Variants in TMEFF1 observed in about 807,000 individuals in gnomAD.
The protein encoded by TMEFF1 is transmembrane protein with EGF like and two follistatin like domains 1.
Under a neutral mutation model 47.5 loss-of-function variants are expected in TMEFF1, and 20 were observed. The ratio of observed to expected loss-of-function variants is 0.42; its 90% CI spans 0.30 to 0.61. The LOEUF (loss-of-function observed/expected upper bound fraction) is 0.61, where lower values mean the gene tolerates loss of function less well. Ranked by LOEUF, TMEFF1 falls within the 20% of genes least tolerant of loss-of-function variation. The probability of loss-of-function intolerance (pLI) is 0.19; values close to 1 mark genes in which losing one functional copy is unlikely to be tolerated. For missense variants in TMEFF1, 411 were observed against 471.1 expected, an observed-to-expected ratio of 0.87 and a Z score of 1.18; for synonymous variants, 162 against 166.3, an observed-to-expected ratio of 0.97 and a Z score of 0.20.
chr9:100,514,406 A>G (rs1162524380), intron 4 of TMEFF1, among the ~76,000 whole-genome samples: 1 of 151,954 alleles, frequency 6.6e-6, no homozygotes, highest in Non-Finnish European at 1.5e-5. Context: ...GGTGTGAAGG[A>G]TCAGATAATA....
intron 5 of TMEFF1, among the ~76,000 whole-genome samples, chr9:100,539,465 C>T (rs1203558092): frequency 1.3e-5 from 2 of 152,136 alleles, no homozygotes; most frequent in African/African-American, 4.8e-5. Flanking sequence ...GAGTTTCTTC[C>T]TTCTGGTGGG....
intron 5 of TMEFF1, among the ~76,000 whole-genome samples, chr9:100,532,789 G>A (rs145703016): frequency 0.066 from 9,974 of 151,972 alleles, 497 homozygotes; most frequent in Non-Finnish European, 0.092. Context: ...ACATGCACAC[G>A]TATGTTTATT....
At chr9:100,481,402 T>G (rs1018461411) in intron 1 of TMEFF1, among the ~76,000 whole-genome samples, 2 of 152,144 alleles carry the variant, frequency 1.3e-5, no homozygotes, top group African/African-American at 4.8e-5. Context: ...TGAACATAGA[T>G]GAATGAACAT....
intron 2 of TMEFF1, among the ~76,000 whole-genome samples, chr9:100,508,491 G>A (rs1837903573): frequency 1.3e-5 from 2 of 149,090 alleles, no homozygotes; most frequent in African/African-American, 4.9e-5. Context: ...TAGCTTTGCA[G>A]TATTGGTTTT....
intron 2 of TMEFF1, among the ~76,000 whole-genome samples, chr9:100,502,930 G>A (rs1015613492): frequency 6.6e-6 from 1 of 152,108 alleles, no homozygotes; most frequent in Non-Finnish European, 1.5e-5. Flanking sequence ...CTGGTTCCTT[G>A]CCTTGTAGGA....
chr9:100,490,575 C>T (rs185051283), intron 1 of TMEFF1, among the ~76,000 whole-genome samples: 6 of 152,194 alleles, frequency 3.9e-5, no homozygotes, highest in Admixed American at 3.3e-4. Flanking sequence ...ATTACAATAT[C>T]AAAGGAAAGT....
chr9:100,576,534 T>C lies in TMEFF1; in HGVS notation c.1077T>C (p.Asn359=), dbSNP rs748010230. The C allele has an allele frequency of 1.9e-6, 3 of 1,612,764 alleles. No individual in the cohort carries two copies. The highest frequency in any genetic ancestry group is 3.3e-5 in the Admixed American group (2 of 59,770). ...GCAACAGAAAATGCCCCAAAAACAA[T>C]AGAGGACGTCGACAGAAGCAAAACC... ...MCITRKCPKN[N]RGRRQKQNLG... is the part of the protein sequence containing the mutation. The change falls in exon 10 of 10, where the codon AAT becomes AAC. Residue 359 remains asparagine, a synonymous_variant. Transcript: ENST00000374879.
intron 5 of TMEFF1, among the ~76,000 whole-genome samples, chr9:100,534,531 A>C (rs1441071925): frequency 6.6e-6 from 1 of 152,212 alleles, no homozygotes; most frequent in Non-Finnish European, 1.5e-5. Context: ...GTCTGCAAAC[A>C]GCTGTAATCA....
At chr9:100,489,485 C>T (rs1226168283) in intron 1 of TMEFF1, among the ~76,000 whole-genome samples, 1 of 152,072 alleles carries the variant, frequency 6.6e-6, no homozygotes, top group Non-Finnish European at 1.5e-5. Context: ...GGCACTGCAC[C>T]CTGCCTACAT....
chr9:100,478,408 C>T (rs527835903), intron 1 of TMEFF1, among the ~76,000 whole-genome samples: 2 of 152,168 alleles, frequency 1.3e-5, no homozygotes, highest in East Asian at 3.9e-4. Flanking sequence ...GCAGCCTCAG[C>T]TTCTTGGGCT....
At chr9:100,499,626 C>T (rs754747297) in intron 2 of TMEFF1, among the ~76,000 whole-genome samples, 6 of 152,100 alleles carry the variant, frequency 3.9e-5, no homozygotes, top group South Asian at 2.1e-4. Flanking sequence ...AAATCAGAAA[C>T]GAAAGCATAG....
At chr9:100,550,019 T>C in intron 6 of TMEFF1, 76 bp from the exon 7 acceptor site, 1 of 1,510,828 alleles carries the variant, frequency 6.6e-7, no homozygotes, top group South Asian at 1.3e-5. Context: ...TTGGAATAAT[T>C]TGGAATTATT....
intron 5 of TMEFF1, among the ~76,000 whole-genome samples, chr9:100,534,887 A>T (rs1275517915): frequency 6.6e-6 from 1 of 152,146 alleles, no homozygotes; most frequent in African/African-American, 2.4e-5. Flanking sequence ...CACCATTTCT[A>T]TTTAACTGCC....
At chr9:100,508,499 T>G (rs995578217) in intron 2 of TMEFF1, among the ~76,000 whole-genome samples, 24 of 151,918 alleles carry the variant, frequency 1.6e-4, no homozygotes, top group Admixed American at 1.3e-4. Context: ...CAGTATTGGT[T>G]TTTTTTCCTA....
chr9:100,522,657 G>A (rs920724917), intron 5 of TMEFF1, among the ~76,000 whole-genome samples: 5 of 151,752 alleles, frequency 3.3e-5, no homozygotes, highest in African/African-American at 1.2e-4. Flanking sequence ...GGCTGGTCTT[G>A]AACTCCTGAT....
intron 5 of TMEFF1, among the ~76,000 whole-genome samples, chr9:100,541,375 C>CTTTTTTTTTTTTTTTTTTTTTTTCTTTT (rs1220537806): frequency 1.0e-5 from 1 of 97,682 alleles, no homozygotes; most frequent in Non-Finnish European, 2.1e-5. Flanking sequence ...TTCTTTCTTT[C>CTTTTTTTTTTTTTTTTTTTTTTTCTTTT]TTTTTTTTTT....
rs1322972294 is a variant in TMEFF1 at position 100,529,073 on chromosome 9, A to C, written c.560+12302A>C. Among the ~76,000 whole-genome samples, 677 of 150,320 alleles carry C rather than the reference A, an allele frequency of 4.5e-3. 5 individuals are homozygous for C. Among genetic ancestry groups the C allele is most frequent in the Non-Finnish European group, 7.3e-3 (489 of 67,094 alleles). The stretch of plus-strand genomic sequence containing the variant: ...TTTTGTCACCACCAGGCCTGCCCTA[A>C]AAGAGCTCCTGAAGGAAGCGCTAAA... On this transcript the variant is annotated intron_variant, in intron 5 of 9. Coordinates refer to ENST00000374879, the MANE Select transcript of TMEFF1 (RefSeq NM_003692.5).
chr9:100,530,202 A>C (rs1182380533), intron 5 of TMEFF1, among the ~76,000 whole-genome samples: 2 of 151,992 alleles, frequency 1.3e-5, no homozygotes, highest in East Asian at 1.9e-4. Context: ...GCAAGAGCAA[A>C]CACATTCAAA....
At chr9:100,531,254 A>G (rs1387369851) in intron 5 of TMEFF1, among the ~76,000 whole-genome samples, 2 of 152,186 alleles carry the variant, frequency 1.3e-5, no homozygotes, top group East Asian at 1.9e-4. Context: ...AGGCAGGAGA[A>G]GAAAATAAAG....
Sources: gnomAD v4.1 joint callset for allele counts (sites outside exome capture counted in the v4.1 genomes callset) on GRCh38, gnomAD v4.1.1 for gene constraint, MANE v1.5 for transcripts, NCBI Gene and HGNC (gene_info 2026-07-23, HGNC 2026-07-21) for gene names.